PIGU: variants seen among roughly 807,000 people sequenced by gnomAD.
PIGU encodes the protein GPI-anchor transamidase component PIGU.
A neutral mutation model predicts 49.9 loss-of-function variants in PIGU; 24 were observed. The ratio of observed to expected loss-of-function variants is 0.48; its 90% CI spans 0.35 to 0.68. The LOEUF (loss-of-function observed/expected upper bound fraction) is 0.68. PIGU is among the 30% of genes least tolerant of loss of function. The probability of loss-of-function intolerance (pLI) is 0.01; values close to 1 mark genes in which losing one functional copy is unlikely to be tolerated. For missense variants in PIGU, 490 were observed against 532.6 expected, an observed-to-expected ratio of 0.92 and a Z score of 0.79; for synonymous variants, 220 against 205.7, an observed-to-expected ratio of 1.07 and a Z score of -0.59.
chr20:34,611,648 G>GAAAAAAAAAAAAAAAAAAAAA (rs146531122), intron 7 of PIGU, among the ~76,000 whole-genome samples: 2 of 65,010 alleles, frequency 3.1e-5, no homozygotes, highest in Non-Finnish European at 6.1e-5. Flanking sequence ...TCAAGTCTCA[G>GAAAAAAAAAAAAAAAAAAAAA]AAAAAAAAAA....
chr20:34,586,032 C>T (rs1038609896), intron 8 of PIGU, among the ~76,000 whole-genome samples: 3 of 152,194 alleles, frequency 2.0e-5, no homozygotes, highest in African/African-American at 4.8e-5. Context: ...GTCAGAAAAC[C>T]GAGTGCCTGA....
chr20:34,651,934 C>T (rs182345375), intron 2 of PIGU, among the ~76,000 whole-genome samples: 2 of 151,978 alleles, frequency 1.3e-5, no homozygotes, highest in Non-Finnish European at 1.5e-5. Flanking sequence ...TGAGACCCCC[C>T]CCATCTCTAC....
At chr20:34,571,959 G>A (rs1316835228) in intron 11 of PIGU, among the ~76,000 whole-genome samples, 5 of 152,114 alleles carry the variant, frequency 3.3e-5, no homozygotes, top group South Asian at 2.1e-4. Context: ...CAACAAAGTC[G>A]AAAGCCAGCA....
chr20:34,633,969 T>C (rs542484396), intron 6 of PIGU, among the ~76,000 whole-genome samples: 15 of 152,298 alleles, frequency 9.8e-5, no homozygotes, highest in African/African-American at 3.6e-4. Context: ...TTTAGAAATA[T>C]GGAATACTAG....
chr20:34,636,177 G>C (rs907153231), intron 5 of PIGU, among the ~76,000 whole-genome samples: 1 of 151,764 alleles, frequency 6.6e-6, no homozygotes, highest in Non-Finnish European at 1.5e-5. Flanking sequence ...CTCCAGCCTG[G>C]GTGACAGAGT....
At chr20:34,664,971 C>T (rs1012900863) in intron 1 of PIGU, among the ~76,000 whole-genome samples, 1 of 151,820 alleles carries the variant, frequency 6.6e-6, no homozygotes, top group African/African-American at 2.4e-5. Context: ...CAGAGCCAGA[C>T]CCCGTCTCAA....
intron 6 of PIGU, among the ~76,000 whole-genome samples, chr20:34,633,180 T>C (rs6142209): frequency 0.28 from 43,230 of 152,138 alleles, 7,779 homozygotes; most frequent in Admixed American, 0.5. Context: ...AACTATGATG[T>C]TGACCAGGTG....
intron 6 of PIGU, among the ~76,000 whole-genome samples, chr20:34,632,779 G>A (rs181423819): frequency 1.3e-5 from 2 of 152,240 alleles, no homozygotes; most frequent in East Asian, 3.9e-4. Context: ...GGAGATTTAT[G>A]AAGTTAAGTT....
intron 5 of PIGU, among the ~76,000 whole-genome samples, chr20:34,635,872 T>C (rs1287071609): frequency 6.9e-6 from 1 of 145,622 alleles, no homozygotes; most frequent in Non-Finnish European, 1.5e-5. Flanking sequence ...TGAAGCTCAG[T>C]CTCAAAAAAA....
At chr20:34,625,975 C>T (rs371720189) in intron 6 of PIGU, among the ~76,000 whole-genome samples, 2 of 133,684 alleles carry the variant, frequency 1.5e-5, no homozygotes, top group Non-Finnish European at 3.2e-5. Flanking sequence ...TATATATATA[C>T]ACACATACAC....
At chr20:34,605,126 G>C (rs143608821) in intron 7 of PIGU, among the ~76,000 whole-genome samples, 365 of 152,126 alleles carry the variant, frequency 2.4e-3, no homozygotes, top group African/African-American at 8.3e-3. Context: ...ATTTTTTTCC[G>C]CATGCTATCA....
chr20:34,634,740 C>T, intron 5 of PIGU, 25 bp from the exon 6 acceptor site: 1 of 1,606,130 alleles, frequency 6.2e-7, no homozygotes, highest in South Asian at 1.1e-5. Context: ...ACATATTTGG[C>T]ATTAGTAATC....
At chr20:34,674,055 AAAC>A (rs936445817) in intron 1 of PIGU, among the ~76,000 whole-genome samples, 5 of 149,888 alleles carry the variant, frequency 3.3e-5, no homozygotes, top group Non-Finnish European at 7.4e-5. Flanking sequence ...TCCATCTCAA[AAAC>A]AACAACAACA....
intron 6 of PIGU, among the ~76,000 whole-genome samples, chr20:34,628,000 A>G (rs1985558293): frequency 6.6e-6 from 1 of 152,238 alleles, no homozygotes; most frequent in Non-Finnish European, 1.5e-5. Flanking sequence ...ATTCCAAGAG[A>G]AACAATCTCT....
At chr20:34,627,447 A>T (rs1225709811) in intron 6 of PIGU, among the ~76,000 whole-genome samples, 1 of 152,136 alleles carries the variant, frequency 6.6e-6, no homozygotes, top group Non-Finnish European at 1.5e-5. Flanking sequence ...GAGTGATATA[A>T]AATTTTTTTT....
At chr20:34,659,055 T>G (rs1376335761) in intron 1 of PIGU, among the ~76,000 whole-genome samples, 11 of 93,168 alleles carry the variant, frequency 1.2e-4, no homozygotes, top group East Asian at 3.9e-4. Context: ...CCCGGCCAGC[T>G]GCCCCGTCCG....
At chr20:34,591,420 T>C (rs1983978632) in intron 7 of PIGU, among the ~76,000 whole-genome samples, 2 of 152,162 alleles carry the variant, frequency 1.3e-5, no homozygotes, top group Non-Finnish European at 2.9e-5. Flanking sequence ...ATCTTACAAA[T>C]CATACTTATA....
intron 1 of PIGU, among the ~76,000 whole-genome samples, chr20:34,668,772 AAAATAAATAAAT>A (rs538438105): frequency 6.6e-6 from 1 of 151,132 alleles, no homozygotes; most frequent in Non-Finnish European, 1.5e-5. Context: ...CTGACTCAAA[AAAATAAATAAAT>A]AAATAAATAA....
intron 7 of PIGU, among the ~76,000 whole-genome samples, chr20:34,590,323 G>C (rs1174237186): frequency 6.6e-6 from 1 of 152,036 alleles, no homozygotes; most frequent in Non-Finnish European, 1.5e-5. Flanking sequence ...TTGGGAGGCC[G>C]AGGCGGGAAC....
Sources: gnomAD v4.1 joint callset for allele counts (sites outside exome capture counted in the v4.1 genomes callset) on GRCh38, gnomAD v4.1.1 for gene constraint, MANE v1.5 for transcripts, NCBI Gene and HGNC (gene_info 2026-07-23, HGNC 2026-07-21) for gene names.